RNASEL: variants seen among roughly 807,000 people sequenced by gnomAD.
RNASEL encodes 2-5A-dependent ribonuclease.
RNASEL carries 36 observed loss-of-function variants against 50.9 expected under a neutral mutation model. The ratio of observed to expected loss-of-function variants is 0.71; its 90% CI spans 0.54 to 0.93. RNASEL has a LOEUF of 0.93. Ranked by LOEUF, RNASEL falls within the 40% of genes least tolerant of loss-of-function variation. The pLI is 0.00. For synonymous variants in RNASEL, 335 were observed against 335.6 expected (o/e 1.00, Z 0.02); for missense variants, 860 against 894.5 (o/e 0.96, Z 0.49).
chr1:182,584,069 T>A lies in RNASEL; in HGVS notation c.1566+12A>T. The A allele has an allele frequency of 6.3e-7, 1 of 1,593,968 alleles. No homozygotes were observed. Among genetic ancestry groups the A allele is most frequent in the Non-Finnish European group, 8.6e-7 (1 of 1,161,778 alleles). On this transcript the variant is annotated intron_variant, in intron 3 of 6. Transcript: ENST00000367559. ...CAGAAAGAAGAAAGGTAAACTGGAT[T>A]GTAGAATTTACCTCTAGATCTCTCT...
At position 182,585,775 on chromosome 1, in the gene RNASEL, C is replaced by A. The variant is rs200175700; in HGVS notation, c.1032G>T (p.Gly344=). The change falls in exon 2 of 7, where the codon GGG becomes GGT. Residue 344 remains glycine (G), a synonymous_variant. Transcript: ENST00000367559. ...TTCTGTGGAGATCCTTCAGGGCTGC[C>A]CCCCAGTGTGAGCTCTGAGGCTTCC... ...EDWKPQSSHW[G]AALKDLHRIY... is the part of the protein sequence containing the mutation. 1.5e-4 allele frequency: 242 copies of A among 1,614,032 alleles called. 2 individuals carry two copies. The East Asian group carries it at 5.3e-3, about 36-fold the overall frequency.
chr1:182,583,326 T>C (rs1374841330), intron 3 of RNASEL, among the ~76,000 whole-genome samples: 4 of 152,208 alleles, frequency 2.6e-5, no homozygotes, highest in Non-Finnish European at 4.4e-5. Flanking sequence ...TTGAAAGCTC[T>C]GCTGCGGGAG....
chr1:182,588,030 G>A (rs979714352), intron 1 of RNASEL, among the ~76,000 whole-genome samples: 3 of 152,162 alleles, frequency 2.0e-5, no homozygotes, highest in Non-Finnish European at 4.4e-5. Flanking sequence ...CCCAACTGTA[G>A]CCTAATGTAA....
Position 182,585,703 on chromosome 1 carries a change from T to G in RNASEL, c.1104A>C (p.Lys368Asn). The G allele has an allele frequency of 6.2e-7, 1 of 1,614,090 alleles. No homozygotes were observed. The highest frequency in any genetic ancestry group is 8.5e-7 in the Non-Finnish European group (1 of 1,180,028). ...CTTCTGAAGTATCAGCAATTTTGTA[T>G]TTTTCATCAATAAAGAACTTGAGTT... Reference protein sequence around the residue: ...IGKLKFFIDEKYKIADTSEGG... With the variant: ...IGKLKFFIDENYKIADTSEGG... The change falls in exon 2 of 7, where the codon AAA (lysine) becomes AAC (asparagine). Residue 368 changes from lysine (K) to asparagine (N), a missense_variant. Lys to Asn is a moderately conservative substitution (Grantham distance 94). Transcript: ENST00000367559.
At chr1:182,579,642 A>T (rs1411007446) in intron 5 of RNASEL, 47 of 1,144,912 alleles carry the variant, frequency 4.1e-5, no homozygotes, top group Non-Finnish European at 5.0e-5. Flanking sequence ...ACAGAAAAAC[A>T]AAGTGTAAAA....
intron 1 of RNASEL, among the ~76,000 whole-genome samples, chr1:182,587,225 G>C (rs1412350147): frequency 6.6e-6 from 1 of 152,010 alleles, no homozygotes; most frequent in Non-Finnish European, 1.5e-5. Flanking sequence ...ATTATACTCT[G>C]TAAGTAACTG....
At chr1:182,577,415 A>C (rs1209929482) in intron 5 of RNASEL, among the ~76,000 whole-genome samples, 1 of 152,194 alleles carries the variant, frequency 6.6e-6, no homozygotes, top group African/African-American at 2.4e-5. Context: ...ACTTGATTAC[A>C]TGTCTTTCTT....
In RNASEL at chr1:182,574,378, C is replaced by G. The variant is rs1395823336; in HGVS notation, c.*1014G>C. 1 of 227,998 alleles carries G rather than the reference C, an allele frequency of 4.4e-6. No homozygotes were observed. Among genetic ancestry groups the G allele is most frequent in the African/African-American group, 2.2e-5 (1 of 44,982 alleles). The allele number at this position is 227,998 out of a possible 1,614,324, so 14.1% of individuals were successfully genotyped here. The stretch of plus-strand genomic sequence containing the variant: ...ACTGGGTATGGGAAGTGAGGGAGGC[C>G]TGGGAGCCTCCTGTGGGGCTGACAC... On this transcript the variant is annotated 3_prime_UTR_variant, in exon 7 of 7. Transcript: ENST00000367559.
chr1:182,576,006 C>T (rs944232565), intron 6 of RNASEL, among the ~76,000 whole-genome samples: 1 of 152,192 alleles, frequency 6.6e-6, no homozygotes, highest in Non-Finnish European at 1.5e-5. Flanking sequence ...AAGGGAGTCA[C>T]TAGCTCCTGT....
chr1:182,579,236 G>A, intron 5 of RNASEL: 1 of 983,916 alleles, frequency 1.0e-6, no homozygotes, highest in African/African-American at 1.7e-5. Context: ...TTTAAACAAG[G>A]TTACTTGCTT....
intron 1 of RNASEL, 83 bp downstream of exon 1, chr1:182,589,084 G>C (rs1157509629): frequency 6.6e-6 from 1 of 152,296 alleles, no homozygotes; most frequent in Non-Finnish European, 1.5e-5. Flanking sequence ...CCAGCCCCTG[G>C]CCTCTCCAGT....
intron 6 of RNASEL, among the ~76,000 whole-genome samples, chr1:182,575,862 C>T (rs527360728): frequency 6.6e-6 from 1 of 152,244 alleles, no homozygotes; most frequent in African/African-American, 2.4e-5. Context: ...CCCTGAACTG[C>T]AAGGCTTTTT....
rs1289537617 is a variant in RNASEL, at chr1:182,585,432, C to T, written c.1375G>A (p.Glu459Lys). Residue 459 changes from glutamate to lysine, a missense_variant, in exon 2 of 7, where the codon GAA (glutamate) becomes AAA (lysine). Glu to Lys is a moderately conservative substitution (Grantham distance 56, BLOSUM62 1). Coordinates refer to ENST00000367559, the MANE Select transcript of RNASEL (RefSeq NM_021133.4). The stretch of plus-strand genomic sequence containing the variant: ...GATGACAGGACATTTCGGGCAAATT[C>T]ATCTTCCTCATTTTCCACATCTTCC... ...RGEDVENEED[E>K]FARNVLSSIF... 7.4e-6 allele frequency: 12 copies of T among 1,614,166 alleles called. No individual in the cohort carries two copies. The highest frequency in any genetic ancestry group is 1.0e-5 in the Non-Finnish European group (12 of 1,180,026).
rs1661589120 is a variant in RNASEL at position 182,586,050 on chromosome 1, C to A, written c.757G>T (p.Gly253Cys). The part of the protein sequence containing the change: ...LILAVEKKHL[G>C]LVQRLLEQEH... ...TGCTCCAGAAGCCTCTGCACCAAAC[C>A]CAAGTGCTTCTTCTCCACTGCCAGG... The change falls in exon 2 of 7, where the codon GGT becomes TGT. Residue 253 changes from glycine (G) to cysteine (C), a missense_variant. Physicochemically the swap from Gly to Cys is radical, Grantham distance 159 (BLOSUM62 -3). Coordinates refer to ENST00000367559, the MANE Select transcript of RNASEL (RefSeq NM_021133.4). 1 of 1,614,022 alleles carries A rather than the reference C, an allele frequency of 6.2e-7. No individual in the cohort carries two copies. Among genetic ancestry groups the A allele is most frequent in the Non-Finnish European group, 8.5e-7 (1 of 1,180,024 alleles).
chr1:182,583,940 G>A (rs1408238912), intron 3 of RNASEL, 141 bp downstream of exon 3: 33 of 710,076 alleles, frequency 4.6e-5, no homozygotes, highest in Non-Finnish European at 6.9e-5. Context: ...TGTTGTGACC[G>A]TGTGAGTCAA....
rs766672907 is a variant in RNASEL, at chr1:182,586,553, G to A, written c.254C>T (p.Pro85Leu). 3.8e-5 allele frequency: 61 copies of A among 1,606,096 alleles called. 1 individual carries two copies. The Middle Eastern group carries it at 2.6e-3, about 70-fold the overall frequency. Reference sequence around the variant, plus strand: ...GGCCCCATTCTTCTTCCTCAGAACAGGGTCAGCACCATGACGAAGCAGAAG... The same window carrying A: ...GGCCCCATTCTTCTTCCTCAGAACAAGGTCAGCACCATGACGAAGCAGAAG... Reference protein sequence around the residue: ...VELLLRHGADPVLRKKNGATP... With the variant: ...VELLLRHGADLVLRKKNGATP... The change falls in exon 2 of 7, where the codon CCT becomes CTT. Residue 85 changes from proline to leucine, a missense_variant. Pro to Leu is a moderately conservative substitution (Grantham distance 98, BLOSUM62 -3). Coordinates refer to ENST00000367559, the MANE Select transcript of RNASEL (RefSeq NM_021133.4).
intron 6 of RNASEL, 58 bp from the exon 7 acceptor site, chr1:182,575,636 A>T: frequency 6.9e-6 from 11 of 1,596,484 alleles, no homozygotes; most frequent in Non-Finnish European, 9.4e-6. Context: ...TCCCCGCTTC[A>T]CAGCATATGG....
intron 3 of RNASEL, among the ~76,000 whole-genome samples, chr1:182,582,824 A>G (rs1661521458): frequency 6.6e-6 from 1 of 152,156 alleles, no homozygotes; most frequent in African/African-American, 2.4e-5. Context: ...ATATGGGTGG[A>G]GAGTCTCACC....
chr1:182,575,656 T>G (rs1661365169), intron 6 of RNASEL, 78 bp from the exon 7 acceptor site: 3 of 1,554,298 alleles, frequency 1.9e-6, no homozygotes, highest in African/African-American at 1.4e-5. Context: ...GCCCTGAAGA[T>G]CTCTTTGCTC....
Sources: allele counts gnomAD v4.1 joint callset (sites outside exome capture counted in the v4.1 genomes callset), GRCh38; gene constraint gnomAD v4.1.1; transcripts MANE v1.5; gene names NCBI Gene and HGNC (gene_info 2026-07-23, HGNC 2026-07-21).